PPFIA2: variants seen among roughly 807,000 people sequenced by gnomAD.
PPFIA2 encodes the protein liprin-alpha-2.
A neutral mutation model predicts 175.5 loss-of-function variants in PPFIA2; 46 were observed. The observed-to-expected ratio is 0.26, with a 90% CI of 0.21 to 0.34. The LOEUF (loss-of-function observed/expected upper bound fraction) is 0.34. Among genes scored for constraint, PPFIA2 ranks in the 10% least tolerant of loss-of-function variants. PPFIA2 has a pLI of 1.00. For missense variants in PPFIA2, 1,179 were observed against 1,506.1 expected (o/e 0.78, Z 3.60); for synonymous variants, 568 against 511.4 (o/e 1.11, Z -1.49).
At chr12:81,723,882 A>G (rs1301140176) in intron 3 of PPFIA2, among the ~76,000 whole-genome samples, 1 of 151,018 alleles carries the variant, frequency 6.6e-6, no homozygotes, top group Non-Finnish European at 1.5e-5. Flanking sequence ...ATGACTGTAA[A>G]TAAAATAAAT....
At chr12:81,675,671 T>C (rs972927223) in intron 4 of PPFIA2, 1 of 151,958 alleles carries the variant, frequency 6.6e-6, no homozygotes, top group Admixed American at 6.6e-5. Flanking sequence ...GGCAGAAGGG[T>C]AAAATTACAT....
intron 4 of PPFIA2, among the ~76,000 whole-genome samples, chr12:81,498,753 T>C (rs747500584): frequency 1.2e-4 from 18 of 152,122 alleles, no homozygotes; most frequent in Admixed American, 6.6e-4. Flanking sequence ...GCCTCCCAAG[T>C]AGCTGGGATT....
chr12:81,451,476 G>A (rs887336708), intron 5 of PPFIA2, among the ~76,000 whole-genome samples: 4 of 152,102 alleles, frequency 2.6e-5, no homozygotes, highest in Non-Finnish European at 5.9e-5. Context: ...CTGGGCTTGT[G>A]AGAAAAATTT....
At chr12:81,558,954 T>C (rs1229943331) in intron 4 of PPFIA2, among the ~76,000 whole-genome samples, 1 of 152,208 alleles carries the variant, frequency 6.6e-6, no homozygotes, top group Non-Finnish European at 1.5e-5. Flanking sequence ...ATAATACTTA[T>C]TCTGATAAGT....
chr12:81,537,937 T>A (rs1408368825), intron 4 of PPFIA2, among the ~76,000 whole-genome samples: 1 of 151,870 alleles, frequency 6.6e-6, no homozygotes, highest in Non-Finnish European at 1.5e-5. Flanking sequence ...TTGATTTTGT[T>A]CAGGACACTA....
intron 22 of PPFIA2, among the ~76,000 whole-genome samples, chr12:81,306,315 C>A (rs1238397844): frequency 6.6e-6 from 1 of 152,048 alleles, no homozygotes; most frequent in African/African-American, 2.4e-5. Context: ...ATTCCTTTGC[C>A]TGTCCTTTTG....
intron 11 of PPFIA2, 200 bp from the exon 12 acceptor site, chr12:81,369,394 A>G: frequency 1.4e-6 from 2 of 1,425,598 alleles, no homozygotes; most frequent in Non-Finnish European, 1.8e-6. Context: ...TCCAAGCATC[A>G]GCAAAACATT....
chr12:81,675,058 G>GA (rs940507131), intron 4 of PPFIA2, among the ~76,000 whole-genome samples: 38 of 151,860 alleles, frequency 2.5e-4, no homozygotes, highest in African/African-American at 8.9e-4. Flanking sequence ...TGAAACTTCA[G>GA]AAAACGTAAG....
intron 8 of PPFIA2, among the ~76,000 whole-genome samples, chr12:81,402,372 A>G (rs894191984): frequency 6.6e-6 from 1 of 152,126 alleles, no homozygotes. Flanking sequence ...TAGGCTTTAA[A>G]TTACAATCCT....
chr12:81,359,458 A>C (rs1243046095), intron 15 of PPFIA2, among the ~76,000 whole-genome samples: 1 of 151,840 alleles, frequency 6.6e-6, no homozygotes, highest in Non-Finnish European at 1.5e-5. Flanking sequence ...AAAAAAAAAA[A>C]CAACTAGGCC....
At chr12:81,338,016 C>T (rs1056186592) in intron 21 of PPFIA2, among the ~76,000 whole-genome samples, 3 of 152,036 alleles carry the variant, frequency 2.0e-5, no homozygotes, top group Non-Finnish European at 4.4e-5. Flanking sequence ...CACACACTGG[C>T]CACACATCAG....
chr12:81,359,007 G>A (rs1432594), intron 15 of PPFIA2, among the ~76,000 whole-genome samples: 24,418 of 151,782 alleles, frequency 0.16, 2,733 homozygotes, highest in East Asian at 0.41. Context: ...GTGCAGAAAA[G>A]GCTTCTCCAG....
Position 81,532,062 on chromosome 12 carries a change from G to T in PPFIA2, c.304-74196C>A, listed in dbSNP as rs1201272839. On this transcript the variant is annotated intron_variant, in intron 4 of 32. Transcript: ENST00000549396. ...GCTGCAACCCCAAACCACAACCTCT[G>T]GCCACAGTTACTTGAATCAAAAATT... Among the ~76,000 whole-genome samples, 4 of 151,726 alleles carry T rather than the reference G, an allele frequency of 2.6e-5. No individual in the cohort carries two copies. The East Asian group carries it at 7.7e-4, about 29-fold the overall frequency.
chr12:81,720,799 T>G (rs1183814260), intron 3 of PPFIA2, among the ~76,000 whole-genome samples: 1 of 151,434 alleles, frequency 6.6e-6, no homozygotes, highest in Non-Finnish European at 1.5e-5. Flanking sequence ...CTGAGCTGAC[T>G]TGTATACACT....
chr12:81,698,067 C>A (rs772110509), intron 3 of PPFIA2, among the ~76,000 whole-genome samples: 2 of 152,016 alleles, frequency 1.3e-5, no homozygotes, highest in Non-Finnish European at 2.9e-5. Context: ...TATTCAAGAA[C>A]AGAAACATTA....
At chr12:81,503,107 C>T (rs187849652) in intron 4 of PPFIA2, among the ~76,000 whole-genome samples, 6 of 152,254 alleles carry the variant, frequency 3.9e-5, no homozygotes, top group Admixed American at 2.6e-4. Flanking sequence ...CCATAAATAA[C>T]ACTTCTTTCT....
intron 3 of PPFIA2, among the ~76,000 whole-genome samples, chr12:81,750,416 A>G (rs1466317705): frequency 7.0e-6 from 1 of 143,314 alleles, no homozygotes; most frequent in African/African-American, 2.4e-5. Flanking sequence ...AATTTAGAGA[A>G]GGAAGAAAGC....
Position 81,758,157 on chromosome 12 carries a change from T to C in PPFIA2, c.-3+243A>G, listed in dbSNP as rs1271172353. Among the ~76,000 whole-genome samples, 7 of 152,242 alleles carry C rather than the reference T, an allele frequency of 4.6e-5. No individual in the cohort carries two copies. In the East Asian group the frequency reaches 1.4e-3, roughly 30 times the overall value. On this transcript the variant is annotated intron_variant, in intron 2 of 32. Transcript: ENST00000549396. ...CTCTCAGCCACACCCCCCACCACCT[T>C]GAAGAAGTTGACTTCATCATTTCCA...
chr12:81,533,735 C>CTATCTATATATA (rs951462126), intron 4 of PPFIA2, among the ~76,000 whole-genome samples: 44 of 73,612 alleles, frequency 6.0e-4, no homozygotes, highest in Admixed American at 5.3e-3. Flanking sequence ...ATCTATCTAT[C>CTATCTATATATA]TATATATCTA....
Sources: allele counts gnomAD v4.1 joint callset (sites outside exome capture counted in the v4.1 genomes callset), GRCh38; gene constraint gnomAD v4.1.1; transcripts MANE v1.5; gene names NCBI Gene and HGNC (gene_info 2026-07-23, HGNC 2026-07-21).